TNFAIP8L1: variants seen among roughly 807,000 people sequenced by gnomAD.
TNFAIP8L1 encodes tumor necrosis factor alpha-induced protein 8-like protein 1.
For missense variants in TNFAIP8L1, 225 were observed against 266.1 expected, an observed-to-expected ratio of 0.85 and a Z score of 1.08; for synonymous variants, 127 against 125.6, an observed-to-expected ratio of 1.01 and a Z score of -0.08.
Position 4,652,081 on chromosome 19 carries a change from G to C in TNFAIP8L1, c.212G>C (p.Gly71Ala), listed in dbSNP as rs753612917. ...CTGGTCAAGGTGGCCCTGAAGCTGG[G>C]ACTGCTGCTGCGTGGGGACCAGCTG... ...KNLVKVALKL[G>A]LLLRGDQLGG... The change falls in exon 2 of 2, where the codon GGA becomes GCA. Residue 71 changes from glycine (G) to alanine (A), a missense_variant. Coordinates refer to ENST00000327473, the MANE Select transcript of TNFAIP8L1 (RefSeq NM_152362.3). The C allele has an allele frequency of 6.2e-7, 1 of 1,606,244 alleles. No individual in the cohort carries two copies.
rs551727332 is a variant in TNFAIP8L1, at chr19:4,652,530, C to A, written c.*100C>A. The A allele has an allele frequency of 1.6e-6, 2 of 1,221,684 alleles. No individual in the cohort carries two copies. Among genetic ancestry groups the A allele is most frequent in the Non-Finnish European group, 2.2e-6 (2 of 894,934 alleles). The allele number at this position is 1,221,684 out of a possible 1,614,324, so 75.7% of individuals were successfully genotyped here. ...TTTTTTCCACCTCTTTTCTCCCAAT[C>A]GGACTCCGGCCAAACTCCCCTAGAC... On this transcript the variant is annotated 3_prime_UTR_variant, in exon 2 of 2. Transcript: ENST00000327473.
chr19:4,647,881 G>C (rs375006282), intron 1 of TNFAIP8L1, among the ~76,000 whole-genome samples: 10 of 151,982 alleles, frequency 6.6e-5, no homozygotes, highest in African/African-American at 2.4e-4. Context: ...TCCTGCCTTG[G>C]CCTCTTAAAG....
At position 4,652,102 on chromosome 19, in the gene TNFAIP8L1, A is replaced by T; in HGVS notation, c.233A>T (p.Gln78Leu). 6.3e-7 allele frequency: 1 copy of T among 1,595,802 alleles called. No individual in the cohort carries two copies. Among genetic ancestry groups the T allele is most frequent in the East Asian group, 2.3e-5 (1 of 43,784 alleles). The change falls in exon 2 of 2, where the codon CAG becomes CTG. Residue 78 changes from glutamine to leucine, a missense_variant. Physicochemically the swap from Gln to Leu is moderately radical, Grantham distance 113. Coordinates refer to ENST00000327473, the MANE Select transcript of TNFAIP8L1 (RefSeq NM_152362.3). ...CTGGGACTGCTGCTGCGTGGGGACC[A>T]GCTGGGCGGTGAGGAGCTGGCGCTG... The part of the protein sequence containing the change: ...LKLGLLLRGD[Q>L]LGGEELALLR...
In TNFAIP8L1 at chr19:4,645,656, C is replaced by T. The variant is rs1375818590; in HGVS notation, c.-4+6027C>T. Among the ~76,000 whole-genome samples, 2 of 149,724 alleles carry T rather than the reference C, an allele frequency of 1.3e-5. No homozygotes were observed. The highest frequency in any genetic ancestry group is 6.7e-5 in the Admixed American group (1 of 15,020). On this transcript the variant is annotated intron_variant, in intron 1 of 1. Transcript: ENST00000327473. The surrounding 1 kb of genome is among the most constrained non-coding windows in gnomAD (Gnocchi z 4.1). ...TACATTTAAGCCAGGGGTGGTAGCT[C>T]ACACCTGTAGTCCCAGCACTTTGGG...
At chr19:4,646,877 G>T (rs541107741) in intron 1 of TNFAIP8L1, among the ~76,000 whole-genome samples, 4 of 152,300 alleles carry the variant, frequency 2.6e-5, no homozygotes, top group Middle Eastern at 6.8e-3. Context: ...TGATCCGCCC[G>T]CCTCGGCCTC....
chr19:4,652,416 G>A lies in TNFAIP8L1; in HGVS notation c.547G>A (p.Glu183Lys), dbSNP rs965706851. 1.4e-5 allele frequency: 21 copies of A among 1,528,890 alleles called. No individual in the cohort carries two copies. Among genetic ancestry groups the A allele is most frequent in the African/African-American group, 6.9e-5 (5 of 72,496 alleles). The allele number at this position is 1,528,890 out of a possible 1,614,324, so 94.7% of individuals were successfully genotyped here. A position where few individuals can be genotyped will look rare whatever the true frequency, so the allele number is the denominator to read the frequency against. The change falls in exon 2 of 2, where the codon GAG (glutamate) becomes AAG (lysine). Residue 183 changes from glutamate (E) to lysine (K), a missense_variant. Glu to Lys is a moderately conservative substitution (Grantham distance 56). Transcript: ENST00000327473. ...ICEGLGRMLD[E>K]GSL is the part of the protein sequence containing the mutation. ...CGAGGGCCTGGGCCGGATGCTGGAC[G>A]AGGGCAGCCTCTGAACCCCGGCGCC...
In TNFAIP8L1 at chr19:4,652,396, G is replaced by A; in HGVS notation, c.527G>A (p.Gly176Asp). ...TCCCACCTGCGCAGGATCTGCGAGG[G>A]CCTGGGCCGGATGCTGGACGAGGGC... Reference protein sequence around the residue: ...YRSHLRRICEGLGRMLDEGSL With the variant: ...YRSHLRRICEDLGRMLDEGSL Residue 176 changes from glycine to aspartate, a missense_variant, in exon 2 of 2, where the codon GGC becomes GAC. Physicochemically the swap from Gly to Asp is moderately conservative, Grantham distance 94 (BLOSUM62 -1). Transcript: ENST00000327473. 2 of 1,543,874 alleles carry A rather than the reference G, an allele frequency of 1.3e-6. No homozygotes were observed. Among genetic ancestry groups the A allele is most frequent in the South Asian group, 2.4e-5 (2 of 84,302 alleles).
chr19:4,642,588 C>T (rs1234903487), intron 1 of TNFAIP8L1: 1 of 151,934 alleles, frequency 6.6e-6, no homozygotes, highest in East Asian at 1.9e-4. Context: ...ACCTGGATGA[C>T]AAGAAGGAAA....
chr19:4,650,598 G>T (rs546642925), intron 1 of TNFAIP8L1, among the ~76,000 whole-genome samples: 72 of 152,154 alleles, frequency 4.7e-4, no homozygotes, highest in African/African-American at 1.5e-3. Flanking sequence ...GGGACAGGGG[G>T]ATGGTTCTGC....
chr19:4,643,278 CAA>C (rs758868410), intron 1 of TNFAIP8L1, among the ~76,000 whole-genome samples: 14 of 123,752 alleles, frequency 1.1e-4, no homozygotes, highest in Non-Finnish European at 1.1e-4. Flanking sequence ...GACTCTGTCT[CAA>C]AAAAAAAAAA....
chr19:4,644,113 T>C (rs1158555495), intron 1 of TNFAIP8L1, among the ~76,000 whole-genome samples: 1 of 151,686 alleles, frequency 6.6e-6, no homozygotes, highest in Admixed American at 6.6e-5. Flanking sequence ...CCCAGCTACT[T>C]GGGAGGCTGA....
intron 1 of TNFAIP8L1, chr19:4,640,628 G>C (rs1226183080): frequency 1.3e-5 from 2 of 152,310 alleles, no homozygotes; most frequent in Non-Finnish European, 2.9e-5. Context: ...GAGGGCTGCT[G>C]GGGGATCAGA....
chr19:4,652,696 G>A lies in TNFAIP8L1; in HGVS notation c.*266G>A, dbSNP rs867365895. 1 of 451,484 alleles carries A rather than the reference G, an allele frequency of 2.2e-6. No homozygotes were observed. Among genetic ancestry groups the A allele is most frequent in the Non-Finnish European group, 4.0e-6 (1 of 250,114 alleles). The allele number at this position is 451,484 out of a possible 1,614,324, so 28.0% of individuals were successfully genotyped here. A position where few individuals can be genotyped will look rare whatever the true frequency, so the allele number is the denominator to read the frequency against. On this transcript the variant is annotated 3_prime_UTR_variant, in exon 2 of 2. Coordinates refer to ENST00000327473, the MANE Select transcript of TNFAIP8L1 (RefSeq NM_152362.3). ...CTACTCTGGGGACCACCTTTCACCC[G>A]TTTGTACTTTCTGGGCCACGCCGAC...
rs1288344304 is a variant in TNFAIP8L1 at position 4,652,438 on chromosome 19, C to G, written c.*8C>G. ...GACGAGGGCAGCCTCTGAACCCCGGCGCCGCCCAACCGCGCCCCTCGCGCC... is the reference window on the plus strand; with the variant it reads ...GACGAGGGCAGCCTCTGAACCCCGGGGCCGCCCAACCGCGCCCCTCGCGCC... On this transcript the variant is annotated 3_prime_UTR_variant, in exon 2 of 2. Transcript: ENST00000327473. The G allele has an allele frequency of 6.6e-7, 1 of 1,508,082 alleles. No individual in the cohort carries two copies. Among genetic ancestry groups the G allele is most frequent in the Non-Finnish European group, 8.9e-7 (1 of 1,124,964 alleles). The allele number at this position is 1,508,082 out of a possible 1,614,324, so 93.4% of individuals were successfully genotyped here. A position where few individuals can be genotyped will look rare whatever the true frequency, so the allele number is the denominator to read the frequency against.
At chr19:4,644,060 A>T (rs2088287270) in intron 1 of TNFAIP8L1, among the ~76,000 whole-genome samples, 1 of 151,548 alleles carries the variant, frequency 6.6e-6, no homozygotes, top group Non-Finnish European at 1.5e-5. Flanking sequence ...CGTCTCTACT[A>T]AAAATACAAA....
intron 1 of TNFAIP8L1, among the ~76,000 whole-genome samples, chr19:4,644,337 C>A (rs184242637): frequency 2.7e-5 from 4 of 149,124 alleles, no homozygotes; most frequent in African/African-American, 7.5e-5. Context: ...CCCAGGAGTT[C>A]GAGACTAGCC....
At position 4,641,354 on chromosome 19, in the gene TNFAIP8L1, C is replaced by T. The variant is rs80219849; in HGVS notation, c.-4+1725C>T. 0.11 allele frequency: 16,918 copies of T among 152,092 alleles called. 1,065 individuals carry two copies. Among genetic ancestry groups the T allele is most frequent in the African/African-American group, 0.18 (7,305 of 41,448 alleles). The allele number at this position is 152,092 out of a possible 1,614,324, so 9.4% of individuals were successfully genotyped here. On this transcript the variant is annotated intron_variant, in intron 1 of 1. Coordinates refer to ENST00000327473, the MANE Select transcript of TNFAIP8L1 (RefSeq NM_152362.3). This position sits in a 1 kb window ranked among gnomAD's most constrained non-coding sequence, Gnocchi z 4.6. Reference sequence around the variant, plus strand: ...AACACTCCTCCCAGAGAGACGTCAACGCTAAAAAATGACTCACACTTGCCC... The same window carrying T: ...AACACTCCTCCCAGAGAGACGTCAATGCTAAAAAATGACTCACACTTGCCC...
In TNFAIP8L1 at chr19:4,652,364, C is replaced by CT; in HGVS notation, c.496dup (p.Tyr166LeufsTer72). The stretch of plus-strand genomic sequence containing the variant: ...CTGCGCTCTACGGCCCCGCCGAGCC[C>CT]TACCGCTCCCACCTGCGCAGGATCT... On this transcript the variant is annotated frameshift_variant, in exon 2 of 2. Coordinates refer to ENST00000327473, the MANE Select transcript of TNFAIP8L1 (RefSeq NM_152362.3). LOFTEE classifies it low-confidence loss of function (END_TRUNC). 6.4e-7 allele frequency: 1 copy of CT among 1,555,940 alleles called. No homozygotes were observed.
intron 1 of TNFAIP8L1, among the ~76,000 whole-genome samples, chr19:4,644,605 A>ATTTTTTTTTTTTTT (rs553560316): frequency 1.1e-5 from 1 of 88,734 alleles, no homozygotes; most frequent in Non-Finnish European, 2.1e-5. Context: ...TGAGTCATGG[A>ATTTTTTTTTTTTTT]TTTTTTTTTT....
Sources: gnomAD v4.1 joint callset for allele counts (sites outside exome capture counted in the v4.1 genomes callset) on GRCh38, gnomAD v4.1.1 for gene constraint, Gnocchi (gnomAD v3.1) non-coding constraint, MANE v1.5 for transcripts, NCBI Gene and HGNC (gene_info 2026-07-23, HGNC 2026-07-21) for gene names.